ORC5: variants seen among roughly 807,000 people sequenced by gnomAD.
ORC5 encodes protein phosphatase 1, regulatory subunit 117.
Under a neutral mutation model 58.8 loss-of-function variants are expected in ORC5, and 39 were observed. The observed-to-expected ratio is 0.66, with a 90% CI of 0.51 to 0.87. ORC5 has a LOEUF of 0.87. ORC5 is among the 40% of genes least tolerant of loss of function. The pLI, the probability that ORC5 is intolerant of heterozygous loss-of-function variation, is 0.00. For missense variants in ORC5, 493 were observed against 506.3 expected (o/e 0.97, Z 0.25); for synonymous variants, 218 against 177.6 (o/e 1.23, Z -1.81).
At chr7:104,178,135 G>A (rs540669857) in intron 8 of ORC5, among the ~76,000 whole-genome samples, 11 of 152,154 alleles carry the variant, frequency 7.2e-5, no homozygotes, top group African/African-American at 2.4e-4. Context: ...AGACCCCTGA[G>A]GAATCACCAC....
In ORC5 at chr7:104,133,889, C is replaced by T. The variant is rs551645692; in HGVS notation, c.1262+2892G>A. 2.6e-5 allele frequency among the ~76,000 whole-genome samples: 4 copies of T among 152,196 alleles called. No homozygotes were observed. In the South Asian group the frequency reaches 8.3e-4, roughly 32 times the overall value. ...TGTCAGGTGCCACTGAGAGGACAAA[C>T]AGCCGAGACTAACAAAGGTTCTGGG... On this transcript the variant is annotated intron_variant, in intron 13 of 13. Transcript: ENST00000297431. The surrounding 1 kb of genome is among the most constrained non-coding windows in gnomAD (Gnocchi z 4.7).
At chr7:104,175,183 C>A (rs756165881) in intron 8 of ORC5, among the ~76,000 whole-genome samples, 1 of 152,174 alleles carries the variant, frequency 6.6e-6, no homozygotes, top group Non-Finnish European at 1.5e-5. Flanking sequence ...GAGGTTGCTG[C>A]AGGCCCAAAC....
At chr7:104,178,844 T>A (rs1348719680) in intron 8 of ORC5, among the ~76,000 whole-genome samples, 1 of 152,168 alleles carries the variant, frequency 6.6e-6, no homozygotes, top group Non-Finnish European at 1.5e-5. Flanking sequence ...CTGATTAACA[T>A]ATATAATTCT....
At chr7:104,174,050 T>C (rs550250914) in intron 8 of ORC5, among the ~76,000 whole-genome samples, 2 of 151,826 alleles carry the variant, frequency 1.3e-5, no homozygotes, top group East Asian at 3.9e-4. Context: ...TTCACCGTTT[T>C]AGCCGGGATG....
At chr7:104,158,074 G>C (rs187506734) in intron 12 of ORC5, among the ~76,000 whole-genome samples, 3 of 151,980 alleles carry the variant, frequency 2.0e-5, no homozygotes, top group Non-Finnish European at 1.5e-5. Flanking sequence ...TTATGTAAAT[G>C]AGAAATATTT....
chr7:104,193,293 G>A (rs1225396087), intron 5 of ORC5, among the ~76,000 whole-genome samples: 2 of 152,074 alleles, frequency 1.3e-5, no homozygotes, highest in Non-Finnish European at 2.9e-5. Context: ...GAAGTAAAAT[G>A]TAAGACAACA....
At chr7:104,183,828 T>A (rs777818067) in intron 8 of ORC5, 115 bp downstream of exon 8, 1 of 698,100 alleles carries the variant, frequency 1.4e-6, no homozygotes, top group Non-Finnish European at 2.4e-6. Context: ...GCAATGCCAA[T>A]CCTCAAACAG....
At chr7:104,187,719 T>TAAA in intron 6 of ORC5, 1 of 771,092 alleles carries the variant, frequency 1.3e-6, no homozygotes, top group Non-Finnish European at 1.6e-6. Flanking sequence ...TTCTAATTGT[T>TAAA]AAAAAAAAAA....
intron 10 of ORC5, chr7:104,165,835 G>C (rs1303269894): frequency 6.6e-6 from 1 of 152,552 alleles, no homozygotes; most frequent in Non-Finnish European, 1.5e-5. Flanking sequence ...GGAGGCCGGA[G>C]TGGGAGGATG....
chr7:104,189,836 A>T (rs1799634116), intron 5 of ORC5, among the ~76,000 whole-genome samples: 2 of 152,174 alleles, frequency 1.3e-5, no homozygotes, highest in South Asian at 4.1e-4. Context: ...CTAGCAAATT[A>T]TCAAACCTGA....
At chr7:104,168,583 A>G in intron 8 of ORC5, 58 bp from the exon 9 acceptor site, 1 of 1,132,056 alleles carries the variant, frequency 8.8e-7, no homozygotes, top group Non-Finnish European at 1.2e-6. Context: ...AATATGGTGT[A>G]CTTAAAACAG....
Position 104,165,335 on chromosome 7 carries a change from C to T in ORC5, c.991-53G>A. 3.9e-6 allele frequency: 4 copies of T among 1,016,816 alleles called. No homozygotes were observed. In the South Asian group the frequency reaches 5.6e-5, roughly 14 times the overall value. The allele number at this position is 1,016,816 out of a possible 1,614,324, so 63.0% of individuals were successfully genotyped here. A position where few individuals can be genotyped will look rare whatever the true frequency, so the allele number is the denominator to read the frequency against. On this transcript the variant is annotated intron_variant, in intron 10 of 13. Transcript: ENST00000297431. Reference sequence around the variant, plus strand: ...TTGAAAAGACAGTATTCCACAAAACCAGAAAACGTTATTTATTTAAAACAT... The same window carrying T: ...TTGAAAAGACAGTATTCCACAAAACTAGAAAACGTTATTTATTTAAAACAT...
chr7:104,176,184 T>C (rs1799318227), intron 8 of ORC5, among the ~76,000 whole-genome samples: 1 of 152,240 alleles, frequency 6.6e-6, no homozygotes, highest in Non-Finnish European at 1.5e-5. Flanking sequence ...TGTGTCTACG[T>C]GGTAAAATCT....
chr7:104,134,944 A>G (rs1423961935), intron 13 of ORC5, among the ~76,000 whole-genome samples: 1 of 152,120 alleles, frequency 6.6e-6, no homozygotes, highest in Non-Finnish European at 1.5e-5. Context: ...AAAGAAAACA[A>G]AAGAAAGTTA....
intron 12 of ORC5, among the ~76,000 whole-genome samples, chr7:104,143,219 A>C (rs1798703788): frequency 6.6e-6 from 1 of 151,956 alleles, no homozygotes; most frequent in Admixed American, 6.6e-5. Context: ...TTTCCTTATA[A>C]TATTTCTCAT....
intron 1 of ORC5, among the ~76,000 whole-genome samples, chr7:104,206,855 G>C (rs939621163): frequency 6.6e-6 from 1 of 152,200 alleles, no homozygotes; most frequent in African/African-American, 2.4e-5. Context: ...ATTCAGTATA[G>C]TAGCACCGCT....
chr7:104,201,790 G>A (rs761408798), intron 2 of ORC5, among the ~76,000 whole-genome samples: 13 of 151,718 alleles, frequency 8.6e-5, no homozygotes, highest in African/African-American at 1.2e-4. Context: ...ATCCTCCTAC[G>A]AGGACTGTAA....
intron 9 of ORC5, 111 bp downstream of exon 9, chr7:104,168,362 C>A (rs1393579390): frequency 2.0e-6 from 3 of 1,463,800 alleles, no homozygotes; most frequent in African/African-American, 2.9e-5. Context: ...AAAGTAAATT[C>A]TCTTTTATAA....
At chr7:104,147,220 A>C (rs1162332953) in intron 12 of ORC5, among the ~76,000 whole-genome samples, 2 of 128,300 alleles carry the variant, frequency 1.6e-5, no homozygotes, top group Non-Finnish European at 3.1e-5. Flanking sequence ...CTCAGACTCA[A>C]GGAGGATTTG....
Sources: gnomAD v4.1 joint callset for allele counts (sites outside exome capture counted in the v4.1 genomes callset) on GRCh38, gnomAD v4.1.1 for gene constraint, Gnocchi (gnomAD v3.1) non-coding constraint, MANE v1.5 for transcripts, NCBI Gene and HGNC (gene_info 2026-07-23, HGNC 2026-07-21) for gene names.